Variants in SCML4 observed in about 807,000 individuals in gnomAD.
SCML4 encodes the protein sex comb on midleg-like protein 4.
SCML4 carries 34 observed loss-of-function variants against 41.1 expected under a neutral mutation model. That is an observed-to-expected ratio of 0.83 (90% confidence interval 0.63 to 1.10). The LOEUF is 1.10. Among genes scored for constraint, SCML4 ranks in the 50% least tolerant of loss-of-function variants. SCML4 has a pLI of 0.00. For synonymous variants in SCML4, 214 were observed against 220.9 expected (o/e 0.97, Z 0.28); for missense variants, 522 against 534.1 (o/e 0.98, Z 0.22).
At chr6:107,733,241 A>T (rs1226516279) in intron 5 of SCML4, among the ~76,000 whole-genome samples, 1 of 152,252 alleles carries the variant, frequency 6.6e-6, no homozygotes, top group Non-Finnish European at 1.5e-5. Context: ...TGACACAGCA[A>T]AAGATAACTA....
chr6:107,720,407 C>A (rs1386156646), intron 6 of SCML4: 2 of 1,079,280 alleles, frequency 1.9e-6, no homozygotes, highest in African/African-American at 3.3e-5. Flanking sequence ...GAATCAGGAA[C>A]ATTCACCTTT....
At chr6:107,822,450 G>A (rs567178320) in intron 1 of SCML4, among the ~76,000 whole-genome samples, 13 of 149,814 alleles carry the variant, frequency 8.7e-5, no homozygotes, top group East Asian at 2.0e-4. Context: ...TACTCGTTTC[G>A]CTTATTGTTT....
At chr6:107,835,778 A>T in the SCML4 span, among the ~76,000 whole-genome samples, 1 of 151,770 alleles carries the variant, frequency 6.6e-6, no homozygotes, top group African/African-American at 2.4e-5. Context: ...AAAAAAAAAA[A>T]AAAAAGAGAG....
At chr6:107,777,645 T>G (rs9486689) in intron 1 of SCML4, among the ~76,000 whole-genome samples, 81,529 of 151,962 alleles carry the variant, frequency 0.54, 23,347 homozygotes, top group East Asian at 0.87. Flanking sequence ...AAGGTCTTTA[T>G]CAATCAGCAA....
At chr6:107,723,867 T>C (rs1202679114) in intron 5 of SCML4, among the ~76,000 whole-genome samples, 1 of 152,100 alleles carries the variant, frequency 6.6e-6, no homozygotes, top group Admixed American at 6.6e-5. Context: ...AAGAAAACTA[T>C]AGACCAATAT....
At chr6:107,756,692 GA>G (rs1779141121) in intron 2 of SCML4, among the ~76,000 whole-genome samples, 1 of 152,122 alleles carries the variant, frequency 6.6e-6, no homozygotes, top group African/African-American at 2.4e-5. Context: ...AAAATGGGGG[GA>G]AATCAGGTGC....
Position 107,746,745 on chromosome 6 carries a change from T to C in SCML4, c.431A>G (p.Gln144Arg). The C allele has an allele frequency of 6.2e-7, 1 of 1,614,094 alleles. No homozygotes were observed. The highest frequency in any genetic ancestry group is 8.5e-7 in the Non-Finnish European group (1 of 1,180,006). ...AVQACIDCAH[Q>R]QKLVFSLVKQ... Reference sequence around the variant, plus strand: ...GACCAGGGAGAAGACCAGCTTCTGCTGGTGGGCGCAGTCGATGCAGGCTTG... The same window carrying C: ...GACCAGGGAGAAGACCAGCTTCTGCCGGTGGGCGCAGTCGATGCAGGCTTG... Residue 144 changes from glutamine (Q) to arginine (R), a missense_variant, in exon 4 of 8, where the codon CAG becomes CGG. Transcript: ENST00000369020.
chr6:107,826,846 A>G (rs1028434816), upstream of SCML4, among the ~76,000 whole-genome samples: 2 of 152,144 alleles, frequency 1.3e-5, no homozygotes, highest in South Asian at 2.1e-4. Flanking sequence ...GGCAGATCAC[A>G]AGGTCAGGAG....
chr6:107,744,929 G>T lies in SCML4; in HGVS notation c.682+20C>A, dbSNP rs1192119946. The T allele has an allele frequency of 4.5e-6, 7 of 1,554,950 alleles. No homozygotes were observed. In the Middle Eastern group the frequency reaches 5.2e-4, roughly 116 times the overall value. ...ACAGGGAGGTGTCCCTGCAGGTGGG[G>T]GAAGCAGGACAAGGCCTACCTGATT... On this transcript the variant is annotated intron_variant, in intron 5 of 7. Transcript: ENST00000369020.
chr6:107,746,798 C>T lies in SCML4; in HGVS notation c.378G>A (p.Arg126=), dbSNP rs750535686. ...CGGCCTGCTGCAGCACCGCCGATGG[C>T]CGCTCGGGCCCAAAATGCTCCGGGA... ...QQLPEHFGPE[R]PSAVLQQAVQ... The change falls in exon 4 of 8, where the codon CGG becomes CGA. Residue 126 remains arginine, a synonymous_variant. Transcript: ENST00000369020. The T allele has an allele frequency of 6.2e-7, 1 of 1,614,138 alleles. No homozygotes were observed. Among genetic ancestry groups the T allele is most frequent in the Non-Finnish European group, 8.5e-7 (1 of 1,180,008 alleles).
At chr6:107,815,070 G>A (rs1350987133) in intron 1 of SCML4, among the ~76,000 whole-genome samples, 1 of 152,204 alleles carries the variant, frequency 6.6e-6, no homozygotes, top group African/African-American at 2.4e-5. Flanking sequence ...GTAGGAAACT[G>A]GCAAAACAGA....
intron 5 of SCML4, among the ~76,000 whole-genome samples, chr6:107,732,667 G>A (rs977194027): frequency 3.3e-5 from 5 of 152,076 alleles, no homozygotes; most frequent in Non-Finnish European, 7.4e-5. Context: ...CTCTCGGGAG[G>A]AGAGCAGGTT....
chr6:107,759,151 A>AAAAAAAAAAAAAC (rs1562227294), intron 2 of SCML4, among the ~76,000 whole-genome samples: 1 of 149,274 alleles, frequency 6.7e-6, no homozygotes, highest in Non-Finnish European at 1.5e-5. Context: ...AAAAAAAAAA[A>AAAAAAAAAAAAAC]AAACCTGAAA....
chr6:107,828,779 G>C (rs145628435), upstream of SCML4, among the ~76,000 whole-genome samples: 214 of 152,302 alleles, frequency 1.4e-3, no homozygotes, highest in Non-Finnish European at 2.6e-3. Context: ...CTACACAAGA[G>C]TGGGTGCCAG....
At chr6:107,732,470 T>G (rs1776661470) in intron 5 of SCML4, 1 of 152,268 alleles carries the variant, frequency 6.6e-6, no homozygotes, top group Non-Finnish European at 1.5e-5. Context: ...TCTCCCCTAA[T>G]GAGATGCACA....
At chr6:107,726,514 C>G (rs1775990798) in intron 5 of SCML4, among the ~76,000 whole-genome samples, 1 of 106,108 alleles carries the variant, frequency 9.4e-6, no homozygotes, top group South Asian at 3.3e-4. Context: ...GCCCGGGCAA[C>G]AGACCGAGAC....
chr6:107,784,654 A>T (rs1205491912), intron 1 of SCML4, among the ~76,000 whole-genome samples: 1 of 152,204 alleles, frequency 6.6e-6, no homozygotes, highest in African/African-American at 2.4e-5. Flanking sequence ...GTATATTTTT[A>T]AAAAATAAAA....
intron 6 of SCML4, among the ~76,000 whole-genome samples, chr6:107,708,474 A>G (rs952495025): frequency 1.5e-4 from 23 of 152,250 alleles, no homozygotes; most frequent in Admixed American, 7.8e-4. Context: ...TTCTGCCTCC[A>G]TGGCCTTCAC....
intron 5 of SCML4, among the ~76,000 whole-genome samples, chr6:107,724,182 A>G (rs890644799): frequency 1.3e-5 from 2 of 152,220 alleles, no homozygotes; most frequent in African/African-American, 4.8e-5. Context: ...GGGTATCTGC[A>G]AAGAACCAAT....
Sources: allele counts gnomAD v4.1 joint callset (sites outside exome capture counted in the v4.1 genomes callset), GRCh38; gene constraint gnomAD v4.1.1; transcripts MANE v1.5; gene names NCBI Gene and HGNC (gene_info 2026-07-23, HGNC 2026-07-21).